The following MOV10L1 variants were observed in gnomAD, a reference collection of about 807,000 sequenced individuals.
MOV10L1 encodes the protein Mov10 like RNA helicase 1.
MOV10L1 carries 110 observed loss-of-function variants against 143.8 expected under a neutral mutation model. That is an observed-to-expected ratio of 0.76 (90% CI 0.66 to 0.90). MOV10L1 has a LOEUF of 0.90. Among genes scored for constraint, MOV10L1 ranks in the 40% least tolerant of loss-of-function variants. MOV10L1 has a pLI of 0.00. For synonymous variants in MOV10L1, 593 were observed against 581.1 expected (o/e 1.02, Z -0.29); for missense variants, 1,406 against 1,526.8 (o/e 0.92, Z 1.32).
At chr22:50,146,380 T>C (rs1016423402) in intron 19 of MOV10L1, among the ~76,000 whole-genome samples, 15 of 151,686 alleles carry the variant, frequency 9.9e-5, no homozygotes, top group Admixed American at 3.3e-4. Flanking sequence ...CCGGCTGTCA[T>C]AGGAGGACCT....
In MOV10L1 at chr22:50,134,635, T is replaced by C. The variant is rs1248549490; in HGVS notation, c.2070+5T>C. 2 of 1,613,312 alleles carry C rather than the reference T, an allele frequency of 1.2e-6. No homozygotes were observed. Among genetic ancestry groups the C allele is most frequent in the East Asian group, 2.2e-5 (1 of 44,892 alleles). On this transcript the variant is annotated splice_donor_5th_base_variant and intron_variant, in intron 15 of 26. Coordinates refer to ENST00000262794, the MANE Select transcript of MOV10L1 (RefSeq NM_018995.3). The stretch of plus-strand genomic sequence containing the variant: ...GGACAGTCCACCAGCAAAAAGGTAG[T>C]GCTCAGCAATGTGGCTTTCTCTACA...
At chr22:50,108,273 C>A (rs2061927546) in intron 4 of MOV10L1, 25 bp downstream of exon 4, 1 of 1,586,606 alleles carries the variant, frequency 6.3e-7, no homozygotes, top group Non-Finnish European at 8.6e-7. Flanking sequence ...AGTGGCTCCT[C>A]TCTGTGCTTC....
At chr22:50,114,719 C>G in intron 7 of MOV10L1, 97 bp downstream of exon 7, 3 of 1,519,826 alleles carry the variant, frequency 2.0e-6, no homozygotes, top group Non-Finnish European at 2.7e-6. Flanking sequence ...GGGGCCAGGA[C>G]ACCCGGCAGC....
At chr22:50,146,187 G>C (rs2147380283) in intron 19 of MOV10L1, among the ~76,000 whole-genome samples, 1 of 152,068 alleles carries the variant, frequency 6.6e-6, no homozygotes, top group Non-Finnish European at 1.5e-5. Flanking sequence ...GACGACCTCT[G>C]GTGAGCCGGG....
chr22:50,137,803 A>ATATATACACATATATAAATATACATATTT (rs2062868132), intron 15 of MOV10L1, among the ~76,000 whole-genome samples: 1 of 53,902 alleles, frequency 1.9e-5, no homozygotes. Flanking sequence ...TACATATTTT[A>ATATATACACATATATAAATATACATATTT]TATATATACA....
chr22:50,108,806 T>C lies in MOV10L1; in HGVS notation c.705T>C (p.Tyr235=), dbSNP rs1324022412. The C allele has an allele frequency of 1.9e-6, 3 of 1,614,118 alleles. No homozygotes were observed. The highest frequency in any genetic ancestry group is 1.7e-5 in the Admixed American group (1 of 60,026). The part of the protein sequence containing the change: ...AVVVESSQSC[Y]VWRALCMTLV... The stretch of plus-strand genomic sequence containing the variant: ...TGGTGGAGAGCAGCCAGTCATGCTA[T>C]GTCTGGAGGGCACTTTGTATGACCC... Residue 235 remains tyrosine (Y), a synonymous_variant, in exon 5 of 27, where the codon TAT becomes TAC. Transcript: ENST00000262794.
intron 8 of MOV10L1, among the ~76,000 whole-genome samples, chr22:50,116,445 T>C (rs1438541437): frequency 3.9e-5 from 4 of 102,618 alleles, no homozygotes; most frequent in Non-Finnish European, 8.0e-5. Flanking sequence ...AGACTCCGTC[T>C]CAAAAAAAAA....
In MOV10L1 at chr22:50,150,840, C is replaced by T. The variant is rs752396299; in HGVS notation, c.2833C>T (p.Pro945Ser). 1.2e-6 allele frequency: 2 copies of T among 1,614,118 alleles called. No individual in the cohort carries two copies. The highest frequency in any genetic ancestry group is 1.7e-6 in the Non-Finnish European group (2 of 1,180,052). Residue 945 changes from proline to serine, a missense_variant, in exon 21 of 27, where the codon CCC becomes TCC. Pro to Ser is a moderately conservative substitution (Grantham distance 74). Transcript: ENST00000262794. ...CTTTTTGGAACGGCTGATGTCTCGA[C>T]CCGCGTACCAGAGGGACGAAAATGC... Reference protein sequence around the residue: ...VSFLERLMSRPAYQRDENAFG... With the variant: ...VSFLERLMSRSAYQRDENAFG...
Position 50,159,755 on chromosome 22 carries a change from A to C in MOV10L1, c.3294A>C (p.Gly1098=). 1 of 1,612,916 alleles carries C rather than the reference A, an allele frequency of 6.2e-7. No homozygotes were observed. The change falls in exon 24 of 27, where the codon GGA becomes GGC. Residue 1098 remains glycine (G), a synonymous_variant. Transcript: ENST00000262794. The surrounding 1 kb of genome is among the most constrained non-coding windows in gnomAD (Gnocchi z 4.1). ...IKVGSVEEFQ[G]QEYLVIIIST... is the part of the protein sequence containing the mutation. ...TTGGATCAGTAGAGGAGTTTCAAGG[A>C]CAAGAGTATCTGGTCATCATCATTT...
At chr22:50,137,294 G>C (rs927157703) in intron 15 of MOV10L1, among the ~76,000 whole-genome samples, 3 of 152,104 alleles carry the variant, frequency 2.0e-5, no homozygotes, top group African/African-American at 7.2e-5. Context: ...GACATGAGCA[G>C]GTTAAGTGGA....
intron 2 of MOV10L1, chr22:50,094,838 G>A (rs1423216403): frequency 6.6e-6 from 1 of 151,934 alleles, no homozygotes; most frequent in Non-Finnish European, 1.5e-5. Context: ...TAAAAAAAAA[G>A]CATACCCAAT....
At chr22:50,155,322 G>A (rs1299335516) in intron 22 of MOV10L1, among the ~76,000 whole-genome samples, 4 of 149,872 alleles carry the variant, frequency 2.7e-5, no homozygotes, top group African/African-American at 7.4e-5. Context: ...GTGCAGTGGC[G>A]CCATCTCGGC....
intron 3 of MOV10L1, among the ~76,000 whole-genome samples, chr22:50,106,999 C>CCTCTGTTTTCACATAGACAGTGATTTCA: frequency 4.0e-5 from 6 of 151,076 alleles, no homozygotes; most frequent in African/African-American, 1.2e-4. Flanking sequence ...CCATGCCCGG[C>CCTCTGTTTTCACATAGACAGTGATTTCA]CAGGACATGG....
At position 50,153,196 on chromosome 22, in the gene MOV10L1, C is replaced by G. The variant is rs779938720; in HGVS notation, c.3044C>G (p.Pro1015Arg). ...GWEKLPKKGF[P>R]LIFHGVRGSE... ...GAGAAGTTGCCTAAGAAAGGCTTCC[C>G]TCTCATCTTCCATGGTGTGCGGGTG... The change falls in exon 22 of 27, where the codon CCT (proline) becomes CGT (arginine). Residue 1015 changes from proline to arginine, a missense_variant. Around this residue, in one of 3 missense-constraint regions of MOV10L1, gnomAD observed 1,233 missense variants for 1,351.4 expected, o/e 0.91. Coordinates refer to ENST00000262794, the MANE Select transcript of MOV10L1 (RefSeq NM_018995.3). 41 of 1,613,792 alleles carry G rather than the reference C, an allele frequency of 2.5e-5. No homozygotes were observed. Among genetic ancestry groups the G allele is most frequent in the Non-Finnish European group, 2.8e-5 (33 of 1,179,824 alleles).
intron 3 of MOV10L1, among the ~76,000 whole-genome samples, chr22:50,107,057 T>C (rs541206624): frequency 6.7e-6 from 1 of 150,242 alleles, no homozygotes; most frequent in African/African-American, 2.5e-5. Context: ...CTAGCATATT[T>C]TAGTGTCTTC....
intron 2 of MOV10L1, among the ~76,000 whole-genome samples, chr22:50,097,672 G>A (rs1269828568): frequency 6.6e-6 from 1 of 152,096 alleles, no homozygotes; most frequent in Non-Finnish European, 1.5e-5. Flanking sequence ...AGGAAGTTTT[G>A]AAATCAGGAG....
At chr22:50,146,749 G>A (rs906187825) in intron 19 of MOV10L1, among the ~76,000 whole-genome samples, 1 of 152,176 alleles carries the variant, frequency 6.6e-6, no homozygotes, top group African/African-American at 2.4e-5. Flanking sequence ...TCCACATGGA[G>A]CAAAGGCACA....
chr22:50,149,397 C>T (rs77816267), intron 19 of MOV10L1: 25 of 555,180 alleles, frequency 4.5e-5, no homozygotes, highest in Non-Finnish European at 6.8e-5. Flanking sequence ...ACAGACGCTG[C>T]GTGCAAAGCA....
intron 2 of MOV10L1, among the ~76,000 whole-genome samples, chr22:50,097,897 G>C (rs1421272184): frequency 6.6e-6 from 1 of 152,046 alleles, no homozygotes; most frequent in Non-Finnish European, 1.5e-5. Flanking sequence ...GCAATGATGT[G>C]ATATTGACTC....
Sources: allele counts gnomAD v4.1 joint callset (sites outside exome capture counted in the v4.1 genomes callset), GRCh38; gene constraint gnomAD v4.1.1; regional missense constraint gnomAD v4.1.1; non-coding constraint Gnocchi (gnomAD v3.1); transcripts MANE v1.5; gene names NCBI Gene and HGNC (gene_info 2026-07-23, HGNC 2026-07-21).